Variants in OLFM2 observed in about 807,000 individuals in gnomAD.
The protein encoded by OLFM2 is olfactomedin 2, also known as noelin-2.
In OLFM2, 20 loss-of-function variants were observed where a neutral mutation model predicts 43.9. The observed-to-expected ratio is 0.46, with a 90% CI of 0.32 to 0.66. The LOEUF is 0.66. OLFM2 is among the 30% of genes least tolerant of loss of function. The pLI is 0.04. For missense variants in OLFM2, 416 were observed against 643.6 expected (o/e 0.65, Z 3.83); for synonymous variants, 268 against 278.6 (o/e 0.96, Z 0.38).
At chr19:9,883,401 G>T (rs1382093880) in intron 1 of OLFM2, among the ~76,000 whole-genome samples, 1 of 152,020 alleles carries the variant, frequency 6.6e-6, no homozygotes, top group Non-Finnish European at 1.5e-5. Flanking sequence ...AGGCAGGCAC[G>T]TCCTCTGCTT....
At chr19:9,908,561 C>T (rs566074560) in intron 1 of OLFM2, among the ~76,000 whole-genome samples, 8 of 149,212 alleles carry the variant, frequency 5.4e-5, no homozygotes, top group Non-Finnish European at 8.9e-5. Flanking sequence ...TCACTGCGAG[C>T]TCCACCTCCT....
chr19:9,912,803 G>A (rs2046837981), intron 1 of OLFM2, among the ~76,000 whole-genome samples: 1 of 151,970 alleles, frequency 6.6e-6, no homozygotes, highest in Non-Finnish European at 1.5e-5. Flanking sequence ...GTGAGTTATG[G>A]GGATAAATAT....
chr19:9,860,730 T>G lies in OLFM2; in HGVS notation c.128A>C (p.Lys43Thr). Residue 43 changes from lysine to threonine, a missense_variant, in exon 2 of 6, where the codon AAA (lysine) becomes ACA (threonine). By Grantham distance (78) the Lys-to-Thr change is moderately conservative. Transcript: ENST00000264833. ...TGGGATCACGGCCGTGCAGATGCAT[T>G]TCCCGTCAGGGGCCTGGGCTGAGGT... is the stretch of plus-strand genomic sequence containing the variant. ...LYTSAQAPDG[K>T]CICTAVIPAQ... The G allele has an allele frequency of 6.2e-7, 1 of 1,609,124 alleles. No individual in the cohort carries two copies. The highest frequency in any genetic ancestry group is 1.1e-5 in the South Asian group (1 of 89,998).
chr19:9,934,788 G>T (rs2086505672), intron 1 of OLFM2, among the ~76,000 whole-genome samples: 1 of 152,170 alleles, frequency 6.6e-6, no homozygotes, highest in Non-Finnish European at 1.5e-5. Context: ...AGGAGCGAGG[G>T]AGGGGACCCC....
intron 1 of OLFM2, among the ~76,000 whole-genome samples, chr19:9,904,152 TTGTGTGTGTGTGTGTGTGTGTGTG>T (rs56281493): frequency 7.9e-5 from 10 of 127,270 alleles, no homozygotes; most frequent in Middle Eastern, 3.9e-3. Flanking sequence ...TGAGTATTGT[TTGTGTGTGTGTGTGTGTGTGTGTG>T]TGTGTGTGTG....
intron 1 of OLFM2, among the ~76,000 whole-genome samples, chr19:9,880,061 G>C: frequency 6.6e-6 from 1 of 152,234 alleles, no homozygotes; most frequent in Non-Finnish European, 1.5e-5. Flanking sequence ...ACAGGCATAA[G>C]CCACTGGGCC....
intron 1 of OLFM2, among the ~76,000 whole-genome samples, chr19:9,904,454 G>A (rs1268188847): frequency 6.6e-6 from 1 of 151,900 alleles, no homozygotes; most frequent in Non-Finnish European, 1.5e-5. Context: ...GCCTCCCAAA[G>A]TGTTGGGATT....
chr19:9,876,856 T>C (rs2046493108), intron 1 of OLFM2, among the ~76,000 whole-genome samples: 1 of 152,222 alleles, frequency 6.6e-6, no homozygotes, highest in Non-Finnish European at 1.5e-5. Flanking sequence ...AATTCATGTG[T>C]TGGAAACGTA....
intron 1 of OLFM2, among the ~76,000 whole-genome samples, chr19:9,918,630 G>A (rs561953614): frequency 2.9e-4 from 44 of 152,306 alleles, no homozygotes; most frequent in South Asian, 2.7e-3. Flanking sequence ...CCATCAACTG[G>A]TGAGTGAATA....
intron 1 of OLFM2, among the ~76,000 whole-genome samples, chr19:9,881,665 A>ATTT (rs33945661): frequency 5.6e-4 from 81 of 145,808 alleles, no homozygotes; most frequent in African/African-American, 1.5e-3. Flanking sequence ...CTAATTTTTA[A>ATTT]TTTTTTTTTT....
Position 9,854,239 on chromosome 19 carries a change from C to G in OLFM2, c.1312G>C (p.Val438Leu). 6.2e-7 allele frequency: 1 copy of G among 1,614,128 alleles called. No homozygotes were observed. Residue 438 changes from valine to leucine, a missense_variant, in exon 6 of 6, where the codon GTG becomes CTG. Val to Leu is a conservative substitution (Grantham distance 32, BLOSUM62 1). Transcript: ENST00000264833. The surrounding 1 kb of genome is among the most constrained non-coding windows in gnomAD (Gnocchi z 9.5). Reference sequence around the variant, plus strand: ...TGAAACAGGGTGACATTGTAGAGCACCTGGTGGCCGTTGTTCCAGGTATAG... The same window carrying G: ...TGAAACAGGGTGACATTGTAGAGCAGCTGGTGGCCGTTGTTCCAGGTATAG... ...ALYTWNNGHQ[V>L]LYNVTLFHVI...
chr19:9,918,647 T>C (rs1490226623), intron 1 of OLFM2, among the ~76,000 whole-genome samples: 1 of 152,166 alleles, frequency 6.6e-6, no homozygotes, highest in African/African-American at 2.4e-5. Context: ...AATAAACAAA[T>C]TGCGGTACAT....
intron 1 of OLFM2, among the ~76,000 whole-genome samples, chr19:9,888,089 C>T (rs749646469): frequency 1.5e-4 from 23 of 152,174 alleles, no homozygotes; most frequent in Non-Finnish European, 2.6e-4. Context: ...CCCTCTCACT[C>T]ACTCTGTTCC....
At chr19:9,872,720 A>C (rs781510232) in intron 1 of OLFM2, among the ~76,000 whole-genome samples, 6 of 151,012 alleles carry the variant, frequency 4.0e-5, no homozygotes, top group Non-Finnish European at 8.8e-5. Context: ...CCATCTATCC[A>C]TTCATTCATA....
intron 1 of OLFM2, among the ~76,000 whole-genome samples, chr19:9,875,060 CCT>C (rs1245516891): frequency 6.6e-6 from 1 of 152,200 alleles, no homozygotes; most frequent in African/African-American, 2.4e-5. Context: ...TCCTGTGCTC[CCT>C]GTTCCGCAGG....
chr19:9,913,127 A>G (rs988510312), intron 1 of OLFM2, among the ~76,000 whole-genome samples: 7 of 151,998 alleles, frequency 4.6e-5, no homozygotes, highest in African/African-American at 1.7e-4. Context: ...CACCCCACTC[A>G]GCCCGGACTC....
At chr19:9,861,405 C>A (rs1231371197) in intron 1 of OLFM2, among the ~76,000 whole-genome samples, 1 of 151,988 alleles carries the variant, frequency 6.6e-6, no homozygotes, top group African/African-American at 2.4e-5. Context: ...CTCAGGTGAT[C>A]CACCCGTCTC....
intron 1 of OLFM2, among the ~76,000 whole-genome samples, chr19:9,870,237 A>G (rs144632893): frequency 8.5e-5 from 13 of 152,162 alleles, no homozygotes; most frequent in Admixed American, 5.9e-4. Context: ...CCCTGCTATT[A>G]TTATCTTCAT....
rs189065046 is a variant in OLFM2, at chr19:9,926,704, G to A, written c.63+9600C>T. ...ACCAGCTCACTAAATTCTAGGCCAAGTGCAGTGGCTCACGCCTGTAATCCC... is the reference window on the plus strand; with the variant it reads ...ACCAGCTCACTAAATTCTAGGCCAAATGCAGTGGCTCACGCCTGTAATCCC... On this transcript the variant is annotated intron_variant, in intron 1 of 5. Coordinates refer to ENST00000264833, the MANE Select transcript of OLFM2 (RefSeq NM_058164.4). Among the ~76,000 whole-genome samples, 52 of 152,290 alleles carry A rather than the reference G, an allele frequency of 3.4e-4. 1 individual carries two copies. In the East Asian group the frequency reaches 9.8e-3, roughly 29 times the overall value.
Sources: allele counts gnomAD v4.1 joint callset (sites outside exome capture counted in the v4.1 genomes callset), GRCh38; gene constraint gnomAD v4.1.1; non-coding constraint Gnocchi (gnomAD v3.1); transcripts MANE v1.5; gene names NCBI Gene and HGNC (gene_info 2026-07-23, HGNC 2026-07-21).